The following CTNNA3 variants were observed in gnomAD, a reference collection of about 807,000 sequenced individuals.
The protein encoded by CTNNA3 is catenin alpha-3.
Under a neutral mutation model 95.7 loss-of-function variants are expected in CTNNA3, and 76 were observed. The ratio of observed to expected loss-of-function variants is 0.79; its 90% CI spans 0.66 to 0.96. The LOEUF is 0.96. Ranked by LOEUF, CTNNA3 falls within the 40% of genes least tolerant of loss-of-function variation. The pLI is 0.00. For synonymous variants in CTNNA3, 431 were observed against 374.4 expected (o/e 1.15, Z -1.74); for missense variants, 1,191 against 1,089.8 (o/e 1.09, Z -1.31).
intron 12 of CTNNA3, among the ~76,000 whole-genome samples, chr10:66,346,404 G>T (rs1437375390): frequency 6.6e-6 from 1 of 151,334 alleles, no homozygotes; most frequent in Non-Finnish European, 1.5e-5. Context: ...TCAGCCTCCT[G>T]AGTAGCTGGG....
At chr10:66,104,676 A>G (rs578105202) in intron 13 of CTNNA3, among the ~76,000 whole-genome samples, 1 of 152,278 alleles carries the variant, frequency 6.6e-6, no homozygotes, top group Admixed American at 6.5e-5. Flanking sequence ...CTGGTGACAA[A>G]CCCAGAAAAT....
At chr10:66,057,882 T>C (rs959538251) in intron 15 of CTNNA3, among the ~76,000 whole-genome samples, 12 of 152,316 alleles carry the variant, frequency 7.9e-5, no homozygotes, top group African/African-American at 2.9e-4. Flanking sequence ...TTCAATTATT[T>C]GTTAGATATT....
At chr10:67,743,732 T>G (rs916208574) in intron 1 of CTNNA3, among the ~76,000 whole-genome samples, 3 of 151,312 alleles carry the variant, frequency 2.0e-5, no homozygotes, top group African/African-American at 7.3e-5. Flanking sequence ...GCAGATGACA[T>G]GATTGTATAT....
intron 14 of CTNNA3, chr10:66,079,371 A>T (rs958328080): frequency 3.3e-5 from 5 of 151,992 alleles, no homozygotes; most frequent in Admixed American, 2.0e-4. Flanking sequence ...TAAAAAAGTT[A>T]AATCTTATTA....
At chr10:66,308,030 G>C (rs936569143) in intron 12 of CTNNA3, among the ~76,000 whole-genome samples, 1 of 152,166 alleles carries the variant, frequency 6.6e-6, no homozygotes, top group South Asian at 2.1e-4. Context: ...AGTCTCATTT[G>C]AGCAGGGTTT....
At chr10:67,198,651 C>A (rs902656056) in intron 6 of CTNNA3, among the ~76,000 whole-genome samples, 8 of 152,134 alleles carry the variant, frequency 5.3e-5, no homozygotes, top group Admixed American at 5.2e-4. Flanking sequence ...AAGGATGTTG[C>A]TGGTGCTGTT....
At chr10:66,774,747 T>C (rs1840227040) in intron 8 of CTNNA3, among the ~76,000 whole-genome samples, 1 of 152,192 alleles carries the variant, frequency 6.6e-6, no homozygotes, top group African/African-American at 2.4e-5. Flanking sequence ...ACTCTGGTTA[T>C]TGAACAGAGG....
At chr10:66,035,541 T>TTTTG (rs1482044480) in intron 15 of CTNNA3, among the ~76,000 whole-genome samples, 1 of 151,810 alleles carries the variant, frequency 6.6e-6, no homozygotes, top group Non-Finnish European at 1.5e-5. Flanking sequence ...GAGGGTATTT[T>TTTTG]TTTTTTTTGC....
intron 15 of CTNNA3, among the ~76,000 whole-genome samples, chr10:66,018,348 T>C (rs1459525812): frequency 1.3e-5 from 2 of 152,142 alleles, no homozygotes; most frequent in African/African-American, 2.4e-5. Context: ...ATTGTACTAC[T>C]TAACTTGTTT....
intron 5 of CTNNA3, among the ~76,000 whole-genome samples, chr10:67,456,859 C>G (rs75723353): frequency 0.018 from 2,686 of 152,184 alleles, 82 homozygotes; most frequent in African/African-American, 0.061. Context: ...AGCAATGTAA[C>G]CAAGGTGACT....
intron 5 of CTNNA3, among the ~76,000 whole-genome samples, chr10:67,341,977 G>A (rs1842207907): frequency 6.8e-6 from 1 of 147,106 alleles, no homozygotes. Flanking sequence ...ATGCCTTTTT[G>A]CCATTTATGT....
At chr10:67,556,059 T>C (rs887527681) in intron 3 of CTNNA3, among the ~76,000 whole-genome samples, 2 of 152,240 alleles carry the variant, frequency 1.3e-5, no homozygotes, top group African/African-American at 4.8e-5. Flanking sequence ...ATTACATTTA[T>C]TGATTTGTGT....
intron 17 of CTNNA3, among the ~76,000 whole-genome samples, chr10:65,953,891 G>A (rs1381871287): frequency 6.6e-6 from 1 of 152,114 alleles, no homozygotes; most frequent in Non-Finnish European, 1.5e-5. Flanking sequence ...ACTCCTTTGG[G>A]TATATACCCA....
chr10:67,667,041 A>G lies in CTNNA3; in HGVS notation c.-5-19523T>C, dbSNP rs546346103. Among the ~76,000 whole-genome samples the G allele has an allele frequency of 7.9e-5, 12 of 152,310 alleles. No individual in the cohort carries two copies. In the South Asian group the frequency reaches 2.5e-3, roughly 32 times the overall value. On this transcript the variant is annotated intron_variant, in intron 1 of 17. Coordinates refer to ENST00000433211, the MANE Select transcript of CTNNA3 (RefSeq NM_013266.4). ...AAATCGAAAACAAATCCTGAAGAAA[A>G]CAGAACTAAATTACAGGATAAAATC...
At chr10:66,774,721 T>C (rs1367746796) in intron 8 of CTNNA3, among the ~76,000 whole-genome samples, 1 of 152,190 alleles carries the variant, frequency 6.6e-6, no homozygotes, top group Non-Finnish European at 1.5e-5. Flanking sequence ...CAAGTGAAAG[T>C]TCTGCATGAG....
chr10:67,132,249 G>T (rs561779672), intron 7 of CTNNA3, among the ~76,000 whole-genome samples: 7 of 152,160 alleles, frequency 4.6e-5, no homozygotes, highest in East Asian at 1.9e-4. Context: ...TGAGAATAAG[G>T]TTAGGATTGA....
chr10:66,226,241 T>C (rs976447524), intron 13 of CTNNA3, among the ~76,000 whole-genome samples: 1 of 152,146 alleles, frequency 6.6e-6, no homozygotes, highest in African/African-American at 2.4e-5. Context: ...TAGTGAGAGA[T>C]AGAGATCTAG....
At chr10:66,448,602 T>C (rs888084589) in intron 11 of CTNNA3, among the ~76,000 whole-genome samples, 12 of 148,042 alleles carry the variant, frequency 8.1e-5, no homozygotes, top group Non-Finnish European at 1.5e-4. Context: ...CTGCATGTTC[T>C]CACTCATAGG....
intron 9 of CTNNA3, among the ~76,000 whole-genome samples, chr10:66,633,359 A>G (rs1226553466): frequency 6.6e-6 from 1 of 152,220 alleles, no homozygotes; most frequent in Non-Finnish European, 1.5e-5. Flanking sequence ...GATACTGCAG[A>G]ATGGAAAACA....
Sources: allele counts gnomAD v4.1 joint callset (sites outside exome capture counted in the v4.1 genomes callset), GRCh38; gene constraint gnomAD v4.1.1; transcripts MANE v1.5; gene names NCBI Gene and HGNC (gene_info 2026-07-23, HGNC 2026-07-21).